Variants in PDE1A observed in about 807,000 individuals in gnomAD.
The protein encoded by PDE1A is dual specificity calcium/calmodulin-dependent 3',5'-cyclic nucleotide phosphodiesterase 1A.
PDE1A carries 35 observed loss-of-function variants against 61.7 expected under a neutral mutation model. The observed-to-expected ratio is 0.57, with a 90% CI of 0.43 to 0.75. The LOEUF is 0.75. Ranked by LOEUF, PDE1A falls within the 30% of genes least tolerant of loss-of-function variation. The pLI is 0.00. For synonymous variants in PDE1A, 232 were observed against 213.2 expected (o/e 1.09, Z -0.77); for missense variants, 597 against 630.6 (o/e 0.95, Z 0.57).
rs900996813 is a variant in PDE1A at position 182,172,921 on chromosome 2, T to A, written c.1517-4631A>T. On this transcript the variant is annotated intron_variant, in intron 13 of 13. Coordinates refer to ENST00000351439, the Ensembl canonical transcript of PDE1A. ...CAGGACCAGTCATGACCTTGTCCACTGATCTTCCCAGGAGTAGAGAGCAAA... is the reference window on the plus strand; with the variant it reads ...CAGGACCAGTCATGACCTTGTCCACAGATCTTCCCAGGAGTAGAGAGCAAA... Among the ~76,000 whole-genome samples the A allele has an allele frequency of 3.3e-5, 5 of 152,032 alleles. No homozygotes were observed. The South Asian group carries it at 8.3e-4, about 25-fold the overall frequency.
intron 1 of PDE1A, among the ~76,000 whole-genome samples, chr2:182,327,345 T>C (rs972282124): frequency 1.3e-5 from 2 of 152,186 alleles, no homozygotes; most frequent in East Asian, 3.8e-4. Context: ...TGTGGATATC[T>C]GCAGGAAGAG....
intron 2 of PDE1A, among the ~76,000 whole-genome samples, chr2:182,462,659 A>G (rs1475657946): frequency 6.6e-6 from 1 of 151,928 alleles, no homozygotes. Context: ...GGATAAGGGA[A>G]AAAAAAGGGT....
intron 1 of PDE1A, among the ~76,000 whole-genome samples, chr2:182,366,187 A>T (rs957927464): frequency 6.6e-6 from 1 of 151,998 alleles, no homozygotes; most frequent in Non-Finnish European, 1.5e-5. Flanking sequence ...TGCTATTTTG[A>T]CTTTTTTAGT....
At position 182,231,989 on chromosome 2, in the gene PDE1A, T is replaced by TA. The variant is rs547532665; in HGVS notation, c.418-859dup. 7.2e-5 allele frequency among the ~76,000 whole-genome samples: 11 copies of TA among 152,292 alleles called. No individual in the cohort carries two copies. In the South Asian group the frequency reaches 2.3e-3, roughly 32 times the overall value. ...TAGAGTATACACTATCTTTAATTATTAAAAGGTATTTTTTACACTACTTTT... is the reference window on the plus strand; with the variant it reads ...TAGAGTATACACTATCTTTAATTATTAAAAAGGTATTTTTTACACTACTTTT... On this transcript the variant is annotated intron_variant, in intron 4 of 13. Transcript: ENST00000351439.
chr2:182,454,295 C>T (rs1052035027), intron 2 of PDE1A, among the ~76,000 whole-genome samples: 5 of 152,020 alleles, frequency 3.3e-5, no homozygotes, highest in African/African-American at 1.2e-4. Context: ...AAGAACATTC[C>T]ATGCTCATGG....
At chr2:182,389,425 T>A (rs187262667) in intron 1 of PDE1A, among the ~76,000 whole-genome samples, 40 of 151,750 alleles carry the variant, frequency 2.6e-4, no homozygotes, top group Non-Finnish European at 4.9e-4. Context: ...AATAACCCAA[T>A]TAAAAAATGG....
At chr2:182,639,095 T>C in the PDE1A span, among the ~76,000 whole-genome samples, 1 of 152,152 alleles carries the variant, frequency 6.6e-6, no homozygotes, top group Non-Finnish European at 1.5e-5. Context: ...GGAACATACA[T>C]CATAAGTAGA....
rs369423558 is a variant in PDE1A, at chr2:182,234,381, G to T, written c.417+51C>A. 8.8e-5 allele frequency: 111 copies of T among 1,263,946 alleles called. No individual in the cohort carries two copies. The East Asian group carries it at 9.9e-4, about 11-fold the overall frequency. The allele number at this position is 1,263,946 out of a possible 1,614,324, so 78.3% of individuals were successfully genotyped here. A position where few individuals can be genotyped will look rare whatever the true frequency, so the allele number is the denominator to read the frequency against. On this transcript the variant is annotated intron_variant, in intron 4 of 13. Coordinates refer to ENST00000351439, the Ensembl canonical transcript of PDE1A. ...TCATTTTCTCATAGCCTTTTTAAGAGAATTTTTTAAAATGACCATTTTATA... is the reference window on the plus strand; with the variant it reads ...TCATTTTCTCATAGCCTTTTTAAGATAATTTTTTAAAATGACCATTTTATA...
At chr2:182,575,780 A>G in the PDE1A span, among the ~76,000 whole-genome samples, 2 of 146,332 alleles carry the variant, frequency 1.4e-5, no homozygotes, top group Non-Finnish European at 3.0e-5. Context: ...ATATATTATA[A>G]TTATTAATAA....
intron 2 of PDE1A, among the ~76,000 whole-genome samples, chr2:182,248,820 A>G (rs1421602734): frequency 1.3e-5 from 2 of 152,192 alleles, no homozygotes; most frequent in East Asian, 3.8e-4. Flanking sequence ...TGGTTTCTCA[A>G]GTTTGAAATG....
chr2:182,517,830 G>A (rs1314583250), intron 2 of PDE1A, among the ~76,000 whole-genome samples: 1 of 152,150 alleles, frequency 6.6e-6, no homozygotes, highest in African/African-American at 2.4e-5. Flanking sequence ...ACTAAATGCA[G>A]AAACACCTTG....
intron 1 of PDE1A, among the ~76,000 whole-genome samples, chr2:182,305,284 CG>C (rs1260946175): frequency 2.0e-5 from 3 of 152,028 alleles, no homozygotes. Context: ...CAACTTCCCC[CG>C]TTGTTAAGTA....
chr2:182,535,993 T>C, the PDE1A span, among the ~76,000 whole-genome samples: 6 of 152,194 alleles, frequency 3.9e-5, no homozygotes, highest in East Asian at 1.9e-4. Context: ...CATGCTAAAG[T>C]GAACAGTCCG....
intron 13 of PDE1A, among the ~76,000 whole-genome samples, chr2:182,184,828 A>C (rs56282499): frequency 6.6e-6 from 1 of 152,008 alleles, no homozygotes; most frequent in Non-Finnish European, 1.5e-5. Context: ...ATAAGAGTAA[A>C]TTTTGATATA....
intron 1 of PDE1A, among the ~76,000 whole-genome samples, chr2:182,271,207 C>T (rs556746877): frequency 2.0e-5 from 3 of 149,946 alleles, no homozygotes; most frequent in African/African-American, 7.3e-5. Flanking sequence ...AAAAAGCTAC[C>T]TATGTGAAAT....
chr2:182,675,519 G>C, the PDE1A span, among the ~76,000 whole-genome samples: 1 of 152,110 alleles, frequency 6.6e-6, no homozygotes, highest in Non-Finnish European at 1.5e-5. Context: ...TTAGGTCTTT[G>C]AGGAATTGCC....
At chr2:182,579,294 C>T in the PDE1A span, among the ~76,000 whole-genome samples, 4 of 152,210 alleles carry the variant, frequency 2.6e-5, no homozygotes, top group Non-Finnish European at 5.9e-5. Flanking sequence ...TTGCTTGCTA[C>T]GTAGCATCTG....
intron 2 of PDE1A, among the ~76,000 whole-genome samples, chr2:182,517,072 G>A (rs1259424640): frequency 6.6e-6 from 1 of 152,184 alleles, no homozygotes; most frequent in African/African-American, 2.4e-5. Flanking sequence ...CCTGGGAATT[G>A]AGTTTTAAGG....
At chr2:182,178,191 C>G (rs75822171) in intron 13 of PDE1A, among the ~76,000 whole-genome samples, 3,395 of 152,192 alleles carry the variant, frequency 0.022, 135 homozygotes, top group African/African-American at 0.077. Flanking sequence ...CCTTTGTCTT[C>G]AAATTCAAAA....
Sources: gnomAD v4.1 joint callset for allele counts (sites outside exome capture counted in the v4.1 genomes callset) on GRCh38, gnomAD v4.1.1 for gene constraint, MANE v1.5 for transcripts, NCBI Gene and HGNC (gene_info 2026-07-23, HGNC 2026-07-21) for gene names.